Variants in NPHP4 observed in about 807,000 individuals in gnomAD.
NPHP4 encodes nephrocystin 4.
Under a neutral mutation model 155.8 loss-of-function variants are expected in NPHP4, and 151 were observed. That is an observed-to-expected ratio of 0.97 (90% confidence interval 0.85 to 1.11). The LOEUF is 1.11. Ranked by LOEUF, NPHP4 falls within the 50% of genes least tolerant of loss-of-function variation. The probability of loss-of-function intolerance (pLI) is 0.00; values close to 1 mark genes in which losing one functional copy is unlikely to be tolerated. For missense variants in NPHP4, 1,956 were observed against 1,925.7 expected (o/e 1.02, Z -0.29); for synonymous variants, 845 against 816.8 (o/e 1.03, Z -0.59).
chr1:5,875,402 G>A (rs1486207964), intron 20 of NPHP4, among the ~76,000 whole-genome samples: 1 of 152,202 alleles, frequency 6.6e-6, no homozygotes, highest in Middle Eastern at 3.2e-3. Flanking sequence ...CCCGCACGGT[G>A]GAGAATCAGA....
chr1:5,942,852 A>T (rs1646895845), intron 9 of NPHP4, among the ~76,000 whole-genome samples: 1 of 152,216 alleles, frequency 6.6e-6, no homozygotes, highest in Non-Finnish European at 1.5e-5. Context: ...TGTGACCCAC[A>T]GAAAAGGACT....
chr1:5,914,912 G>T (rs1166997256), intron 11 of NPHP4, among the ~76,000 whole-genome samples: 1 of 152,166 alleles, frequency 6.6e-6, no homozygotes, highest in Admixed American at 6.5e-5. Flanking sequence ...CAGGTGCCAG[G>T]TAGACCTCCC....
At chr1:5,931,386 G>A (rs1382717292) in intron 10 of NPHP4, among the ~76,000 whole-genome samples, 2 of 143,846 alleles carry the variant, frequency 1.4e-5, no homozygotes, top group African/African-American at 5.3e-5. Flanking sequence ...CAATAGGTGT[G>A]TAATAGCATA....
At chr1:5,973,437 T>C (rs1256042060) in intron 3 of NPHP4, among the ~76,000 whole-genome samples, 1 of 152,178 alleles carries the variant, frequency 6.6e-6, no homozygotes, top group African/African-American at 2.4e-5. Flanking sequence ...AATAAAAACA[T>C]TTAGCTGGGT....
At chr1:5,874,035 G>C in intron 22 of NPHP4, among the ~76,000 whole-genome samples, 1 of 151,734 alleles carries the variant, frequency 6.6e-6, no homozygotes, top group Middle Eastern at 3.2e-3. Context: ...TATACCTGCT[G>C]CACGCACGCT....
intron 3 of NPHP4, among the ~76,000 whole-genome samples, chr1:5,972,450 T>C (rs76006583): frequency 1.3e-5 from 2 of 152,200 alleles, no homozygotes; most frequent in East Asian, 1.9e-4. Context: ...AGTGCCAAGG[T>C]TGAGAAACTC....
At chr1:5,962,070 A>T (rs1343158418) in intron 5 of NPHP4, 121 bp from the exon 6 acceptor site, 1 of 661,902 alleles carries the variant, frequency 1.5e-6, no homozygotes, top group Non-Finnish European at 2.6e-6. Flanking sequence ...TTTTCTAGGG[A>T]GAGTGAAGTG....
intron 8 of NPHP4, among the ~76,000 whole-genome samples, 185 bp downstream of exon 8, chr1:5,947,885 G>C (rs548167937): frequency 3.3e-5 from 5 of 152,266 alleles, no homozygotes; most frequent in East Asian, 1.9e-4. Flanking sequence ...AAAAAAAAAG[G>C]GGGGGGCTTT....
In NPHP4 at chr1:5,874,953, C is replaced by T. The variant is rs116606479; in HGVS notation, c.2965G>A (p.Glu989Lys). Residue 989 changes from glutamate (E) to lysine (K), a missense_variant, in exon 21 of 30, where the codon GAG becomes AAG. Physicochemically the swap from Glu to Lys is moderately conservative, Grantham distance 56. Coordinates refer to ENST00000378156, the MANE Select transcript of NPHP4 (RefSeq NM_015102.5). ...TTCTTAAGCACAAACTCAAAGAACT[C>T]GGCGACCCCCAGCGTGGCGTGGAGC... is the stretch of plus-strand genomic sequence containing the variant. ...HTLHATLGVA[E>K]FFEFVLKNPH... 475 of 1,613,458 alleles carry T rather than the reference C, an allele frequency of 2.9e-4. 1 individual carries two copies. In the Middle Eastern group the frequency reaches 3.0e-3, roughly 10 times the overall value.
Position 5,905,585 on chromosome 1 carries a change from C to T in NPHP4, c.1763+47G>A, listed in dbSNP as rs775135183. The T allele has an allele frequency of 4.2e-5, 67 of 1,610,340 alleles. No homozygotes were observed. Among genetic ancestry groups the T allele is most frequent in the South Asian group, 8.8e-5 (8 of 90,746 alleles). The stretch of plus-strand genomic sequence containing the variant: ...GGGTTCACAAGGTCCAACAGTCTGA[C>T]GGCACAGCACGTGACTGGTTCCATC... On this transcript the variant is annotated intron_variant, in intron 14 of 29. Coordinates refer to ENST00000378156, the MANE Select transcript of NPHP4 (RefSeq NM_015102.5). This position sits in a 1 kb window ranked among gnomAD's most constrained non-coding sequence, Gnocchi z 4.0.
At chr1:5,902,071 T>C (rs1451413430) in intron 16 of NPHP4, among the ~76,000 whole-genome samples, 1 of 152,166 alleles carries the variant, frequency 6.6e-6, no homozygotes, top group African/African-American at 2.4e-5. Context: ...GCTTCACACC[T>C]CTATGCAAAG....
chr1:5,977,466 T>TGGTCTCCACGTTCTCCTATC (rs1653816222), intron 3 of NPHP4, among the ~76,000 whole-genome samples: 1 of 152,004 alleles, frequency 6.6e-6, no homozygotes, highest in Non-Finnish European at 1.5e-5. Context: ...GTTCTCCTAT[T>TGGTCTCCACGTTCTCCTATC]GGTCTCCACG....
Position 5,863,912 on chromosome 1 carries a change from C to T in NPHP4, c.4118G>A (p.Arg1373Gln), listed in dbSNP as rs768550124. 1.2e-5 allele frequency: 19 copies of T among 1,613,810 alleles called. No homozygotes were observed. The highest frequency in any genetic ancestry group is 9.3e-5 in the African/African-American group (7 of 74,910). ...HLHSDHPELL[R>Q]FREDSFQVGG... ...CACCTGGAAGGAGTCCTCTCTGAAC[C>T]GCAGCAGCTCCGGGTGGTCGCTGTG... Residue 1373 changes from arginine (R) to glutamine (Q), a missense_variant, in exon 29 of 30, where the codon CGG becomes CAG. Coordinates refer to ENST00000378156, the MANE Select transcript of NPHP4 (RefSeq NM_015102.5).
intron 18 of NPHP4, among the ~76,000 whole-genome samples, chr1:5,883,539 C>T (rs1227372301): frequency 6.6e-6 from 1 of 152,220 alleles, no homozygotes; most frequent in African/African-American, 2.4e-5. Flanking sequence ...TCCTGGCAAG[C>T]TCTCTGTCAC....
chr1:5,964,941 A>ATATATATATATATTTTTT, intron 5 of NPHP4, among the ~76,000 whole-genome samples: 1 of 59,416 alleles, frequency 1.7e-5, no homozygotes, highest in African/African-American at 8.5e-5. Flanking sequence ...ATATATATAT[A>ATATATATATATATTTTTT]TTTTTTTTTT....
At chr1:5,952,218 G>C (rs1648231243) in intron 7 of NPHP4, among the ~76,000 whole-genome samples, 1 of 152,226 alleles carries the variant, frequency 6.6e-6, no homozygotes, top group Non-Finnish European at 1.5e-5. Context: ...AGATGACCGA[G>C]GCTTCCAGCC....
chr1:5,968,593 C>G (rs945963216), intron 4 of NPHP4, among the ~76,000 whole-genome samples: 2 of 150,800 alleles, frequency 1.3e-5, no homozygotes, highest in Non-Finnish European at 1.5e-5. Flanking sequence ...AGAGCAAGAC[C>G]CTGTCTCGAA....
Position 5,863,215 on chromosome 1 carries a change from A to C in NPHP4, c.*50T>G, listed in dbSNP as rs1277704865. 6.2e-7 allele frequency: 1 copy of C among 1,605,438 alleles called. No individual in the cohort carries two copies. Among genetic ancestry groups the C allele is most frequent in the South Asian group, 1.1e-5 (1 of 90,878 alleles). On this transcript the variant is annotated 3_prime_UTR_variant, in exon 30 of 30. Transcript: ENST00000378156. ...GGACAGCCTGCAGGGCAGGAGGGGC[A>C]CAGACAGGCCCCAGCTGGGTGCCGC...
chr1:5,932,046 C>T, intron 10 of NPHP4, among the ~76,000 whole-genome samples: 2 of 151,692 alleles, frequency 1.3e-5, no homozygotes, highest in South Asian at 4.2e-4. Context: ...GCACTCCAGC[C>T]AGGGCAACAG....
Sources: gnomAD v4.1 joint callset for allele counts (sites outside exome capture counted in the v4.1 genomes callset) on GRCh38, gnomAD v4.1.1 for gene constraint, Gnocchi (gnomAD v3.1) non-coding constraint, MANE v1.5 for transcripts, NCBI Gene and HGNC (gene_info 2026-07-23, HGNC 2026-07-21) for gene names.